The following CCDC73 variants were observed in gnomAD, a reference collection of about 807,000 sequenced individuals.
CCDC73 encodes the protein coiled-coil domain-containing protein 73.
CCDC73 carries 95 observed loss-of-function variants against 116.5 expected under a neutral mutation model. The ratio of observed to expected loss-of-function variants is 0.82; its 90% CI spans 0.69 to 0.97. The LOEUF is 0.97. CCDC73 is among the 50% of genes least tolerant of loss of function. The pLI is 0.00. For missense variants in CCDC73, 1,066 were observed against 1,206.8 expected (o/e 0.88, Z 1.73); for synonymous variants, 398 against 401.3 (o/e 0.99, Z 0.10).
chr11:32,674,332 T>C (rs1856065035), intron 9 of CCDC73, among the ~76,000 whole-genome samples: 1 of 152,058 alleles, frequency 6.6e-6, no homozygotes, highest in African/African-American at 2.4e-5. Flanking sequence ...GAGAGAGGGA[T>C]TGGAAGGGAG....
chr11:32,714,194 G>A (rs547861803), intron 3 of CCDC73, among the ~76,000 whole-genome samples: 2 of 152,120 alleles, frequency 1.3e-5, no homozygotes, highest in South Asian at 2.1e-4. Flanking sequence ...GAGGACTAAT[G>A]GCACACTGTA....
intron 2 of CCDC73, among the ~76,000 whole-genome samples, chr11:32,730,893 G>A (rs1022845265): frequency 6.6e-6 from 1 of 152,194 alleles, no homozygotes; most frequent in African/African-American, 2.4e-5. Context: ...GAGGTACCGG[G>A]TGCATCTCAC....
chr11:32,642,517 ATTTC>A (rs1855742347), intron 12 of CCDC73, among the ~76,000 whole-genome samples: 1 of 151,978 alleles, frequency 6.6e-6, no homozygotes. Context: ...TTTAATTTTA[ATTTC>A]AAATTAACAC....
intron 1 of CCDC73, among the ~76,000 whole-genome samples, chr11:32,763,701 G>C (rs1253726358): frequency 1.3e-5 from 2 of 152,192 alleles, no homozygotes. Context: ...CTAAAAATCA[G>C]AGCACCTCTC....
intron 2 of CCDC73, chr11:32,758,451 A>G (rs541301770): frequency 8.4e-6 from 4 of 473,550 alleles, no homozygotes; most frequent in Non-Finnish European, 1.7e-5. Context: ...TGTGAGACCT[A>G]AAGTTCTTAT....
chr11:32,761,703 T>TG (rs955979836), intron 1 of CCDC73, among the ~76,000 whole-genome samples: 4 of 152,072 alleles, frequency 2.6e-5, no homozygotes, highest in African/African-American at 7.2e-5. Flanking sequence ...TGTGTATATA[T>TG]GGGGGGGTGT....
chr11:32,764,600 G>C (rs1285155179), intron 1 of CCDC73, among the ~76,000 whole-genome samples: 2 of 152,116 alleles, frequency 1.3e-5, no homozygotes, highest in East Asian at 3.9e-4. Flanking sequence ...CCCTACAAAA[G>C]CTCCTGAACG....
chr11:32,624,362 A>C (rs967629045), intron 14 of CCDC73, among the ~76,000 whole-genome samples: 59 of 152,136 alleles, frequency 3.9e-4, no homozygotes, highest in Non-Finnish European at 7.1e-4. Flanking sequence ...ATAAATAAAT[A>C]AATAAATTAT....
At chr11:32,801,488 G>T in the CCDC73 span, among the ~76,000 whole-genome samples, 13 of 151,848 alleles carry the variant, frequency 8.6e-5, no homozygotes, top group Admixed American at 2.0e-4. Flanking sequence ...TAAAAATACA[G>T]AAATTAGCCC....
At chr11:32,668,428 A>ATT (rs906660896) in intron 9 of CCDC73, among the ~76,000 whole-genome samples, 95 of 152,298 alleles carry the variant, frequency 6.2e-4, no homozygotes, top group African/African-American at 2.3e-3. Flanking sequence ...AATTATAATA[A>ATT]ATGTAAGTAG....
intron 9 of CCDC73, among the ~76,000 whole-genome samples, chr11:32,666,254 G>T (rs563262617): frequency 0.017 from 2,571 of 152,184 alleles, 75 homozygotes; most frequent in African/African-American, 0.057. Context: ...CTGCTGAGTG[G>T]TTTTCAACTT....
At chr11:32,634,387 G>T (rs1279212137) in intron 14 of CCDC73, among the ~76,000 whole-genome samples, 2 of 151,656 alleles carry the variant, frequency 1.3e-5, no homozygotes, top group Non-Finnish European at 2.9e-5. Flanking sequence ...AATATGAAAA[G>T]AATAAAAAAA....
intron 9 of CCDC73, among the ~76,000 whole-genome samples, chr11:32,671,060 C>T (rs1856033638): frequency 6.6e-6 from 1 of 152,120 alleles, no homozygotes; most frequent in African/African-American, 2.4e-5. Flanking sequence ...ACTTTTAGTA[C>T]ACTGTCTGTT....
intron 12 of CCDC73, among the ~76,000 whole-genome samples, chr11:32,645,291 CTTTTTTT>C (rs397689348): frequency 9.1e-5 from 11 of 121,084 alleles, no homozygotes; most frequent in African/African-American, 3.1e-4. Context: ...TTTTCTTTTT[CTTTTTTT>C]TTTTTTTTTT....
intron 3 of CCDC73, among the ~76,000 whole-genome samples, chr11:32,705,709 C>T (rs1182313361): frequency 6.6e-6 from 1 of 152,156 alleles, no homozygotes; most frequent in East Asian, 1.9e-4. Flanking sequence ...TGAAGTGACA[C>T]CCAAACGATC....
At chr11:32,639,325 TCTGTCC>T (rs1364307490) in intron 13 of CCDC73, among the ~76,000 whole-genome samples, 1 of 152,236 alleles carries the variant, frequency 6.6e-6, no homozygotes, top group Non-Finnish European at 1.5e-5. Context: ...TCCATAGTTA[TCTGTCC>T]CTGCAGAGTG....
chr11:32,604,793 AG>A (rs1292140341), intron 17 of CCDC73: 1 of 152,242 alleles, frequency 6.6e-6, no homozygotes, highest in Non-Finnish European at 1.5e-5. Context: ...CAATTTGACC[AG>A]TAAAAGTGGC....
intron 17 of CCDC73, chr11:32,604,307 C>T (rs1855316858): frequency 6.6e-6 from 1 of 152,110 alleles, no homozygotes; most frequent in Non-Finnish European, 1.5e-5. Flanking sequence ...TATTTTTTGC[C>T]ATGTTGCCCA....
intron 2 of CCDC73, among the ~76,000 whole-genome samples, chr11:32,756,546 T>C (rs1319578558): frequency 6.7e-6 from 1 of 150,262 alleles, no homozygotes; most frequent in Admixed American, 6.7e-5. Context: ...ATTACAATTG[T>C]ATATTTTCTG....
Sources: gnomAD v4.1 joint callset for allele counts (sites outside exome capture counted in the v4.1 genomes callset) on GRCh38, gnomAD v4.1.1 for gene constraint, MANE v1.5 for transcripts, NCBI Gene and HGNC (gene_info 2026-07-23, HGNC 2026-07-21) for gene names.